PLPPR4: variants seen among roughly 807,000 people sequenced by gnomAD.
The protein encoded by PLPPR4 is phospholipid phosphatase-related protein type 4.
Under a neutral mutation model 56.6 loss-of-function variants are expected in PLPPR4, and 24 were observed. The observed-to-expected ratio is 0.42, with a 90% confidence interval of 0.31 to 0.60. The LOEUF is 0.60. PLPPR4 is among the 20% of genes least tolerant of loss of function. The pLI, the probability that PLPPR4 is intolerant of heterozygous loss-of-function variation, is 0.13. For missense variants in PLPPR4, 654 were observed against 885.8 expected (o/e 0.74, Z 3.32); for synonymous variants, 326 against 328.1 (o/e 0.99, Z 0.07).
chr1:99,289,861 T>A (rs1381532272), intron 2 of PLPPR4, among the ~76,000 whole-genome samples: 1 of 152,094 alleles, frequency 6.6e-6, no homozygotes. Flanking sequence ...GCTTGAAGCA[T>A]TCCCCATTGA....
chr1:99,300,364 GTAC>G (rs1194669012), intron 4 of PLPPR4, among the ~76,000 whole-genome samples: 1 of 151,912 alleles, frequency 6.6e-6, no homozygotes, highest in Non-Finnish European at 1.5e-5. Flanking sequence ...ATTGTAAAGT[GTAC>G]TACATTTTGT....
chr1:99,271,899 A>AGT (rs553822029), intron 1 of PLPPR4, among the ~76,000 whole-genome samples: 227 of 118,046 alleles, frequency 1.9e-3, no homozygotes, highest in Non-Finnish European at 3.3e-3. Context: ...GTAGGAGTGA[A>AGT]GTGTGTGTGT....
intron 1 of PLPPR4, among the ~76,000 whole-genome samples, chr1:99,277,633 A>G (rs1659224188): frequency 1.3e-5 from 2 of 152,068 alleles, no homozygotes; most frequent in South Asian, 2.1e-4. Context: ...TGATTTTGCC[A>G]TTCTTCTACT....
In PLPPR4 at chr1:99,284,934, T is replaced by C. The variant is rs192911104; in HGVS notation, c.79-3031T>C. Reference sequence around the variant, plus strand: ...AAAGCAAAAGACTAAACCTAGTTTATAGCAGATAAAAAAGAGCAGTGGGTA... The same window carrying C: ...AAAGCAAAAGACTAAACCTAGTTTACAGCAGATAAAAAAGAGCAGTGGGTA... On this transcript the variant is annotated intron_variant, in intron 1 of 6. Transcript: ENST00000370185. 3.3e-5 allele frequency among the ~76,000 whole-genome samples: 5 copies of C among 152,218 alleles called. No homozygotes were observed. In the South Asian group the frequency reaches 8.3e-4, roughly 25 times the overall value.
chr1:99,270,934 G>A (rs572918032), intron 1 of PLPPR4, among the ~76,000 whole-genome samples: 1 of 152,284 alleles, frequency 6.6e-6, no homozygotes, highest in South Asian at 2.1e-4. Context: ...AGAGTCCTAA[G>A]TTTTAGAGAT....
intron 1 of PLPPR4, among the ~76,000 whole-genome samples, chr1:99,266,051 A>G (rs1386645902): frequency 1.3e-5 from 2 of 152,190 alleles, no homozygotes; most frequent in African/African-American, 2.4e-5. Context: ...TTTTGGGAAC[A>G]TGGTTTAGGT....
At chr1:99,278,643 A>C (rs1659250405) in intron 1 of PLPPR4, among the ~76,000 whole-genome samples, 1 of 152,202 alleles carries the variant, frequency 6.6e-6, no homozygotes, top group Non-Finnish European at 1.5e-5. Flanking sequence ...ATGTAAGAAG[A>C]ACAAATTTTC....
chr1:99,263,430 G>A (rs1658810731), upstream of PLPPR4, among the ~76,000 whole-genome samples: 1 of 152,176 alleles, frequency 6.6e-6, no homozygotes, highest in Non-Finnish European at 1.5e-5. Context: ...TACTGCCAAA[G>A]ACCTATTGGA....
At position 99,306,548 on chromosome 1, in the gene PLPPR4, A is replaced by C. The variant is rs772003126; in HGVS notation, c.1686A>C (p.Lys562Asn). ...CCTGCACTGGCTCCATCCGCTATAA[A>C]ACCTTGACAGACCATGAGCCCAGTG... ...TVSCTGSIRY[K>N]TLTDHEPSGI... The change falls in exon 7 of 7, where the codon AAA becomes AAC. Residue 562 changes from lysine to asparagine, a missense_variant. Lys to Asn is a moderately conservative substitution (Grantham distance 94). This residue lies in a region of PLPPR4 where 468 missense variants were observed against 554.3 expected (regional missense o/e 0.84). Coordinates refer to ENST00000370185, the MANE Select transcript of PLPPR4 (RefSeq NM_014839.5). This position sits in a 1 kb window ranked among gnomAD's most constrained non-coding sequence, Gnocchi z 4.0. 1 of 1,614,130 alleles carries C rather than the reference A, an allele frequency of 6.2e-7. No individual in the cohort carries two copies.
chr1:99,271,356 A>G (rs1659056287), intron 1 of PLPPR4, among the ~76,000 whole-genome samples: 1 of 152,222 alleles, frequency 6.6e-6, no homozygotes, highest in Non-Finnish European at 1.5e-5. Flanking sequence ...TCAGGATTTC[A>G]GAGCTTGTCC....
intron 1 of PLPPR4, among the ~76,000 whole-genome samples, chr1:99,277,040 A>T (rs1258263211): frequency 6.6e-6 from 1 of 152,080 alleles, no homozygotes; most frequent in Non-Finnish European, 1.5e-5. Context: ...TAATAAGCAG[A>T]TATTACTGTT....
At chr1:99,295,824 G>C (rs1228495997) in intron 2 of PLPPR4, among the ~76,000 whole-genome samples, 7 of 152,108 alleles carry the variant, frequency 4.6e-5, no homozygotes, top group Non-Finnish European at 7.4e-5. Context: ...AATAAGAAAT[G>C]GTTCTTCCCT....
chr1:99,296,066 T>C (rs988571764), intron 2 of PLPPR4, among the ~76,000 whole-genome samples: 1 of 152,280 alleles, frequency 6.6e-6, no homozygotes, highest in East Asian at 1.9e-4. Flanking sequence ...ATGTTCCTTA[T>C]CTTAAGAGAG....
At chr1:99,298,755 G>T in intron 3 of PLPPR4, 1 of 595,398 alleles carries the variant, frequency 1.7e-6, no homozygotes, top group South Asian at 2.2e-5. Context: ...TGTTCCAAGT[G>T]TCTTGACAAG....
At chr1:99,287,569 T>G (rs1026876767) in intron 1 of PLPPR4, among the ~76,000 whole-genome samples, 4 of 152,214 alleles carry the variant, frequency 2.6e-5, no homozygotes, top group Non-Finnish European at 5.9e-5. Flanking sequence ...TCCTGACTTT[T>G]TAATAATTGC....
At position 99,270,084 on chromosome 1, in the gene PLPPR4, G is replaced by A. The variant is rs931660845; in HGVS notation, c.78+5413G>A. ...CTGTCACCCAGGCTGGATTGCAGTG[G>A]CATGATCACAGCTCACTGCAACCTC... On this transcript the variant is annotated intron_variant, in intron 1 of 6. Transcript: ENST00000370185. Among the ~76,000 whole-genome samples, 9 of 148,074 alleles carry A rather than the reference G, an allele frequency of 6.1e-5. No homozygotes were observed. In the South Asian group the frequency reaches 1.8e-3, roughly 29 times the overall value.
intron 1 of PLPPR4, among the ~76,000 whole-genome samples, chr1:99,285,081 T>G (rs1353853588): frequency 6.7e-6 from 1 of 149,792 alleles, no homozygotes; most frequent in Non-Finnish European, 1.5e-5. Context: ...TTACTGGTTA[T>G]AACAATAACA....
chr1:99,265,822 G>A (rs61785112), intron 1 of PLPPR4, among the ~76,000 whole-genome samples: 11 of 152,132 alleles, frequency 7.2e-5, no homozygotes, highest in Admixed American at 2.0e-4. Flanking sequence ...AGACATTGTC[G>A]GACTGTTCTT....
intron 2 of PLPPR4, among the ~76,000 whole-genome samples, chr1:99,295,914 G>C (rs1444720540): frequency 3.3e-5 from 5 of 152,176 alleles, no homozygotes; most frequent in Admixed American, 2.6e-4. Context: ...AAGATGCTAA[G>C]GGAGCCACAT....
Sources: allele counts gnomAD v4.1 joint callset (sites outside exome capture counted in the v4.1 genomes callset), GRCh38; gene constraint gnomAD v4.1.1; regional missense constraint gnomAD v4.1.1; non-coding constraint Gnocchi (gnomAD v3.1); transcripts MANE v1.5; gene names NCBI Gene and HGNC (gene_info 2026-07-23, HGNC 2026-07-21).